The following FAM13A variants were observed in gnomAD, a reference collection of about 807,000 sequenced individuals.
FAM13A encodes the protein protein FAM13A.
Under a neutral mutation model 129.6 loss-of-function variants are expected in FAM13A, and 76 were observed. That is an observed-to-expected ratio of 0.59 (90% CI 0.49 to 0.71). The LOEUF (loss-of-function observed/expected upper bound fraction) is 0.71, where lower values mean the gene tolerates loss of function less well. Among genes scored for constraint, FAM13A ranks in the 30% least tolerant of loss-of-function variants. The pLI is 0.00. For synonymous variants in FAM13A, 443 were observed against 449.9 expected, an observed-to-expected ratio of 0.98 and a Z score of 0.20; for missense variants, 1,108 against 1,249.3, an observed-to-expected ratio of 0.89 and a Z score of 1.70.
intron 3 of FAM13A, among the ~76,000 whole-genome samples, chr4:89,016,690 A>G (rs1432878489): frequency 6.6e-6 from 1 of 152,140 alleles, no homozygotes; most frequent in African/African-American, 2.4e-5. Flanking sequence ...GCTGGAGTGC[A>G]GTGGTATGAT....
At chr4:88,934,455 C>T (rs1007696447) in intron 5 of FAM13A, among the ~76,000 whole-genome samples, 4 of 152,162 alleles carry the variant, frequency 2.6e-5, no homozygotes, top group African/African-American at 9.7e-5. Context: ...TTTATCCATA[C>T]TTTTCTCACT....
chr4:88,750,384 G>A, intron 15 of FAM13A, 40 bp downstream of exon 15: 1 of 1,482,810 alleles, frequency 6.7e-7, no homozygotes, highest in Non-Finnish European at 9.4e-7. Flanking sequence ...GATGTTGTGG[G>A]GATGATGCAT....
At chr4:89,005,506 A>T (rs990556900) in intron 3 of FAM13A, among the ~76,000 whole-genome samples, 2 of 152,210 alleles carry the variant, frequency 1.3e-5, no homozygotes, top group African/African-American at 4.8e-5. Flanking sequence ...ACTTTCCACA[A>T]TGGTTGAACA....
At chr4:89,039,517 G>A (rs1769823960) in intron 1 of FAM13A, among the ~76,000 whole-genome samples, 1 of 152,124 alleles carries the variant, frequency 6.6e-6, no homozygotes, top group Non-Finnish European at 1.5e-5. Flanking sequence ...TGGGAAGTAA[G>A]GACAAAGAAT....
At chr4:88,799,277 T>A (rs1240528965) in intron 8 of FAM13A, among the ~76,000 whole-genome samples, 1 of 152,126 alleles carries the variant, frequency 6.6e-6, no homozygotes, top group East Asian at 1.9e-4. Context: ...GACACAACCA[T>A]CTTTAAAGAA....
chr4:88,982,132 T>C (rs981275145), intron 4 of FAM13A, among the ~76,000 whole-genome samples: 2 of 152,220 alleles, frequency 1.3e-5, no homozygotes, highest in African/African-American at 4.8e-5. Flanking sequence ...AGAAGGTGTC[T>C]GATACAAGTA....
Position 88,938,094 on chromosome 4 carries a change from T to C in FAM13A, c.753A>G (p.Ile251Met). 6.2e-7 allele frequency: 1 copy of C among 1,612,718 alleles called. No homozygotes were observed. The highest frequency in any genetic ancestry group is 8.5e-7 in the Non-Finnish European group (1 of 1,178,906). The stretch of plus-strand genomic sequence containing the variant: ...TAAAAACCAAGTTGCTTACTTTTAC[T>C]ATGATAAGCCTAGCCAGGTTTTCAC... The part of the protein sequence containing the change: ...LRCENLARLI[I>M]VKEVYYKNSL... The change falls in exon 5 of 24, where the codon ATA becomes ATG. Residue 251 changes from isoleucine to methionine, a missense_variant. Ile to Met is a conservative substitution (Grantham distance 10). This residue lies in a region of FAM13A where 566 missense variants were observed against 595.7 expected (regional missense o/e 0.95). Transcript: ENST00000264344.
intron 4 of FAM13A, among the ~76,000 whole-genome samples, chr4:88,953,304 A>G (rs1358991638): frequency 6.6e-6 from 1 of 151,502 alleles, no homozygotes; most frequent in Non-Finnish European, 1.5e-5. Flanking sequence ...AAAGTACAAA[A>G]ATTAGCCGGG....
intron 1 of FAM13A, 27 bp downstream of exon 1, chr4:89,056,911 A>C: frequency 6.2e-7 from 1 of 1,608,616 alleles, no homozygotes; most frequent in Non-Finnish European, 8.5e-7. Flanking sequence ...CAGTAAACAC[A>C]GAAGACAGAA....
intron 5 of FAM13A, among the ~76,000 whole-genome samples, chr4:88,910,968 C>T: frequency 6.6e-6 from 1 of 152,168 alleles, no homozygotes; most frequent in East Asian, 1.9e-4. Context: ...CTTTATTGTC[C>T]ATCTCACCCT....
At chr4:88,886,371 CTGAGGTCAG>C (rs2150143834) in intron 6 of FAM13A, among the ~76,000 whole-genome samples, 2 of 151,490 alleles carry the variant, frequency 1.3e-5, no homozygotes, top group South Asian at 4.2e-4. Context: ...GGCAGATCAC[CTGAGGTCAG>C]GAGTTTGAAA....
intron 4 of FAM13A, among the ~76,000 whole-genome samples, chr4:88,981,590 C>T (rs917883007): frequency 6.6e-6 from 1 of 152,084 alleles, no homozygotes; most frequent in Admixed American, 6.6e-5. Flanking sequence ...CCTCAAGAAA[C>T]CCAAAGAAAA....
At chr4:88,770,248 T>A (rs898547147) in intron 11 of FAM13A, among the ~76,000 whole-genome samples, 10 of 152,230 alleles carry the variant, frequency 6.6e-5, no homozygotes, top group Admixed American at 5.9e-4. Context: ...ATAATTGCTC[T>A]TATTACCTGA....
At chr4:89,025,446 A>G (rs1767848429) in intron 2 of FAM13A, among the ~76,000 whole-genome samples, 1 of 150,514 alleles carries the variant, frequency 6.6e-6, no homozygotes, top group Non-Finnish European at 1.5e-5. Context: ...TTGTATTTTT[A>G]GTAGAGACGG....
chr4:88,832,256 A>C (rs1457429063), intron 7 of FAM13A, among the ~76,000 whole-genome samples: 1 of 152,234 alleles, frequency 6.6e-6, no homozygotes, highest in Non-Finnish European at 1.5e-5. Context: ...TTAAATATTT[A>C]AATGTAAAAC....
At chr4:88,952,307 A>T (rs988816942) in intron 4 of FAM13A, among the ~76,000 whole-genome samples, 11 of 152,120 alleles carry the variant, frequency 7.2e-5, no homozygotes, top group African/African-American at 2.7e-4. Context: ...TCAGCCTGTA[A>T]TGTTACTAAA....
chr4:89,042,148 A>G (rs1770229994), intron 1 of FAM13A, among the ~76,000 whole-genome samples: 1 of 138,828 alleles, frequency 7.2e-6, no homozygotes. Flanking sequence ...ACTCCTTAAC[A>G]GGGGAGCAAT....
chr4:88,954,321 G>C (rs1189358875), intron 4 of FAM13A, among the ~76,000 whole-genome samples: 1 of 152,192 alleles, frequency 6.6e-6, no homozygotes, highest in Non-Finnish European at 1.5e-5. Context: ...ATGCATAGGA[G>C]AATGCTACTG....
Position 89,020,392 on chromosome 4 carries a change from T to C in FAM13A, c.427+68A>G, listed in dbSNP as rs1235463953. 10 of 1,152,962 alleles carry C rather than the reference T, an allele frequency of 8.7e-6. No individual in the cohort carries two copies. In the East Asian group the frequency reaches 2.4e-4, roughly 28 times the overall value. The allele number at this position is 1,152,962 out of a possible 1,614,324, so 71.4% of individuals were successfully genotyped here. A position where few individuals can be genotyped will look rare whatever the true frequency, so the allele number is the denominator to read the frequency against. On this transcript the variant is annotated intron_variant, in intron 3 of 23. Transcript: ENST00000264344. Reference sequence around the variant, plus strand: ...TCAGCCTCCCAAAGTGTTGGGATTATAGGTGTGGGCCACCGTGCCCAGCCT... The same window carrying C: ...TCAGCCTCCCAAAGTGTTGGGATTACAGGTGTGGGCCACCGTGCCCAGCCT...
Sources: gnomAD v4.1 joint callset for allele counts (sites outside exome capture counted in the v4.1 genomes callset) on GRCh38, gnomAD v4.1.1 for gene constraint, gnomAD v4.1.1 regional missense constraint, MANE v1.5 for transcripts, NCBI Gene and HGNC (gene_info 2026-07-23, HGNC 2026-07-21) for gene names.